NEDD4L: variants seen among roughly 807,000 people sequenced by gnomAD.
The protein encoded by NEDD4L is E3 ubiquitin-protein ligase NEDD4-like.
NEDD4L carries 54 observed loss-of-function variants against 148.9 expected under a neutral mutation model. The ratio of observed to expected loss-of-function variants is 0.36; its 90% CI spans 0.29 to 0.45. NEDD4L has a LOEUF of 0.45. NEDD4L is among the 20% of genes least tolerant of loss of function. The pLI is 1.00. For synonymous variants in NEDD4L, 433 were observed against 440.7 expected, an observed-to-expected ratio of 0.98 and a Z score of 0.22; for missense variants, 856 against 1,233.8, an observed-to-expected ratio of 0.69 and a Z score of 4.59.
chr18:58,078,729 G>A (rs1466749763), intron 1 of NEDD4L, among the ~76,000 whole-genome samples: 7 of 152,222 alleles, frequency 4.6e-5, no homozygotes, highest in African/African-American at 1.7e-4. Context: ...TGAAAGTGAT[G>A]TGGGGAGCCA....
intron 6 of NEDD4L, among the ~76,000 whole-genome samples, chr18:58,316,249 G>A (rs749302499): frequency 1.2e-4 from 18 of 152,114 alleles, no homozygotes; most frequent in African/African-American, 4.1e-4. Flanking sequence ...TGAGTCGTGC[G>A]CTTGCGTTCC....
At chr18:58,162,424 C>T (rs1599244269) in intron 1 of NEDD4L, among the ~76,000 whole-genome samples, 1 of 152,024 alleles carries the variant, frequency 6.6e-6, no homozygotes, top group Non-Finnish European at 1.5e-5. Flanking sequence ...AGCCTTCTTC[C>T]TTCAGGCTTC....
intron 5 of NEDD4L, among the ~76,000 whole-genome samples, chr18:58,286,593 C>G (rs2053937263): frequency 6.6e-6 from 1 of 151,984 alleles, no homozygotes; most frequent in Non-Finnish European, 1.5e-5. Flanking sequence ...TGGCCCTTAC[C>G]AGTAAAAAAA....
intron 1 of NEDD4L, among the ~76,000 whole-genome samples, chr18:58,074,114 G>A (rs1041967353): frequency 2.0e-5 from 3 of 152,116 alleles, no homozygotes; most frequent in African/African-American, 7.2e-5. Flanking sequence ...GAGGAAGTTA[G>A]TTAAAAGGGC....
chr18:58,329,690 C>T (rs1238057738), intron 10 of NEDD4L, among the ~76,000 whole-genome samples: 4 of 146,118 alleles, frequency 2.7e-5, no homozygotes, highest in African/African-American at 5.1e-5. Context: ...CTAGTAGAGA[C>T]GGGTTTCACC....
intron 4 of NEDD4L, among the ~76,000 whole-genome samples, chr18:58,249,362 A>G (rs1194275451): frequency 1.3e-5 from 2 of 152,236 alleles, no homozygotes; most frequent in African/African-American, 2.4e-5. Flanking sequence ...AAATTTTGGT[A>G]ACTGAAACAC....
intron 1 of NEDD4L, among the ~76,000 whole-genome samples, chr18:58,150,354 C>T (rs1599123467): frequency 1.3e-5 from 2 of 152,228 alleles, no homozygotes; most frequent in East Asian, 1.9e-4. Flanking sequence ...CCTGCCTCAG[C>T]CTCCTGAGTA....
intron 2 of NEDD4L, 56 bp from the exon 3 acceptor site, chr18:58,245,371 T>C: frequency 1.2e-6 from 1 of 852,392 alleles, no homozygotes; most frequent in Non-Finnish European, 1.9e-6. Flanking sequence ...GGTTCCACTG[T>C]TTTCTCTTTT....
Position 58,398,733 on chromosome 18 carries a change from CTT to C in NEDD4L, c.*2466_*2467del, listed in dbSNP as rs2050652117. The C allele has an allele frequency of 1.3e-5, 2 of 152,248 alleles. No homozygotes were observed. The highest frequency in any genetic ancestry group is 4.1e-4 in the South Asian group (2 of 4,834). The allele number at this position is 152,248 out of a possible 1,614,324, so 9.4% of individuals were successfully genotyped here. A position where few individuals can be genotyped will look rare whatever the true frequency, so the allele number is the denominator to read the frequency against. On this transcript the variant is annotated 3_prime_UTR_variant, in exon 31 of 31. Coordinates refer to ENST00000400345, the MANE Select transcript of NEDD4L (RefSeq NM_001144967.3). ...CCTCAGCAATTCTCCAAGTTTCTCTCTTTGCCTAAAATGGTCATAGATCTTGA... is the reference window on the plus strand; with the variant it reads ...CCTCAGCAATTCTCCAAGTTTCTCTCTGCCTAAAATGGTCATAGATCTTGA...
At chr18:58,330,366 G>A (rs1274058863) in intron 10 of NEDD4L, among the ~76,000 whole-genome samples, 2 of 152,166 alleles carry the variant, frequency 1.3e-5, no homozygotes. Context: ...GTGTGTGTGT[G>A]TTTGTTTTTT....
intron 1 of NEDD4L, chr18:58,047,438 CGG>C: frequency 1.0e-6 from 1 of 984,422 alleles, no homozygotes. Context: ...ACCCAGAAAA[CGG>C]GGATGCCAAA....
In NEDD4L at chr18:58,398,253, A is replaced by G. The variant is rs1195410406; in HGVS notation, c.*1984A>G. ...GTTTTCCGCTACAGTTAACATGACA[A>G]ATGTCTCAGTGGCAAAAATCCCCTT... On this transcript the variant is annotated 3_prime_UTR_variant, in exon 31 of 31. Transcript: ENST00000400345. The G allele has an allele frequency of 1.3e-5, 2 of 148,790 alleles. No homozygotes were observed. The highest frequency in any genetic ancestry group is 2.6e-5 in the African/African-American group (1 of 38,532). The allele number at this position is 148,790 out of a possible 1,614,324, so 9.2% of individuals were successfully genotyped here. A position where few individuals can be genotyped will look rare whatever the true frequency, so the allele number is the denominator to read the frequency against.
intron 24 of NEDD4L, among the ~76,000 whole-genome samples, chr18:58,373,486 A>G (rs557431161): frequency 1.3e-3 from 198 of 152,346 alleles, no homozygotes; most frequent in Non-Finnish European, 1.9e-3. Flanking sequence ...CAGAAATTCC[A>G]AGAGGCCTTG....
At chr18:58,330,688 GGA>G in intron 10 of NEDD4L, 48 bp from the exon 11 acceptor site, 1 of 1,386,260 alleles carries the variant, frequency 7.2e-7, no homozygotes, top group Non-Finnish European at 9.5e-7. Flanking sequence ...GGAGCTGGGT[GGA>G]TCCCTACTTC....
chr18:58,170,017 GACCTATTATAGCACATAGC>G (rs2037369114), intron 2 of NEDD4L, among the ~76,000 whole-genome samples: 2 of 151,888 alleles, frequency 1.3e-5, no homozygotes, highest in Non-Finnish European at 2.9e-5. Context: ...TATTTTCCAC[GACCTATTATAGCACATAGC>G]ACCTAACAGG....
At chr18:58,050,479 A>G (rs8092805) in intron 1 of NEDD4L, among the ~76,000 whole-genome samples, 135,803 of 151,554 alleles carry the variant, frequency 0.9, 60,929 homozygotes, top group East Asian at 1. Context: ...CAATAATAAC[A>G]GGCTGGGGCA....
At chr18:58,361,090 T>A (rs1309448540) in intron 19 of NEDD4L, among the ~76,000 whole-genome samples, 1 of 152,222 alleles carries the variant, frequency 6.6e-6, no homozygotes, top group African/African-American at 2.4e-5. Context: ...TGACTGTTCT[T>A]TCTCCATCAT....
At chr18:58,067,945 G>A (rs1333244685) in intron 1 of NEDD4L, among the ~76,000 whole-genome samples, 1 of 152,094 alleles carries the variant, frequency 6.6e-6, no homozygotes, top group Non-Finnish European at 1.5e-5. Flanking sequence ...GCACTGTTTG[G>A]GAGAAGGGGT....
At chr18:58,254,053 C>T (rs922233418) in intron 5 of NEDD4L, among the ~76,000 whole-genome samples, 1 of 150,798 alleles carries the variant, frequency 6.6e-6, no homozygotes, top group Admixed American at 6.6e-5. Flanking sequence ...TATGGTAGTA[C>T]TTGGAAGTTC....
Sources: gnomAD v4.1 joint callset for allele counts (sites outside exome capture counted in the v4.1 genomes callset) on GRCh38, gnomAD v4.1.1 for gene constraint, MANE v1.5 for transcripts, NCBI Gene and HGNC (gene_info 2026-07-23, HGNC 2026-07-21) for gene names.